The following SMAP2 variants were observed in gnomAD, a reference collection of about 807,000 sequenced individuals.
The protein encoded by SMAP2 is small ArfGAP2.
A neutral mutation model predicts 56.4 loss-of-function variants in SMAP2; 25 were observed. That is an observed-to-expected ratio of 0.44 (90% CI 0.32 to 0.62). The LOEUF is 0.62. Ranked by LOEUF, SMAP2 falls within the 20% of genes least tolerant of loss-of-function variation. SMAP2 has a pLI of 0.04. For synonymous variants in SMAP2, 157 were observed against 181.7 expected (o/e 0.86, Z 1.09); for missense variants, 388 against 545.6 (o/e 0.71, Z 2.88).
At chr1:40,388,343 T>G (rs1314708121) in intron 1 of SMAP2, among the ~76,000 whole-genome samples, 1 of 152,224 alleles carries the variant, frequency 6.6e-6, no homozygotes, top group Non-Finnish European at 1.5e-5. Context: ...GGAGAACCTT[T>G]ATGTCTAGCT....
intron 1 of SMAP2, among the ~76,000 whole-genome samples, chr1:40,349,794 T>C (rs1203951975): frequency 6.6e-6 from 1 of 152,188 alleles, no homozygotes; most frequent in African/African-American, 2.4e-5. Context: ...GCTTGTATTA[T>C]AGGCGTGAGC....
intron 1 of SMAP2, among the ~76,000 whole-genome samples, chr1:40,391,309 A>G (rs776927596): frequency 2.8e-4 from 42 of 152,190 alleles, no homozygotes; most frequent in Non-Finnish European, 5.3e-4. Context: ...TGTATACTAT[A>G]CACAGATGAA....
chr1:40,416,253 C>G lies in SMAP2; in HGVS notation c.759C>G (p.Ser253Arg), dbSNP rs763437755. ...TGAACCTGTTTCCGGAGCCAGGGAG[C>G]AAATCAGAAGAAATAGGCAAGAAAC... Reference protein sequence around the residue: ...ENLNLFPEPGSKSEEIGKKQL... With the variant: ...ENLNLFPEPGRKSEEIGKKQL... The change falls in exon 8 of 10, where the codon AGC becomes AGG. Residue 253 changes from serine (S) to arginine (R), a missense_variant. Transcript: ENST00000372718. The G allele has an allele frequency of 2.9e-5, 47 of 1,613,852 alleles. No individual in the cohort carries two copies. Among genetic ancestry groups the G allele is most frequent in the Non-Finnish European group, 3.9e-5 (46 of 1,179,990 alleles).
chr1:40,379,677 G>C (rs989786836), intron 1 of SMAP2, among the ~76,000 whole-genome samples: 1 of 151,258 alleles, frequency 6.6e-6, no homozygotes, highest in Non-Finnish European at 1.5e-5. Context: ...CTGAGTAGCA[G>C]GGATTACAGG....
At chr1:40,414,043 A>G in intron 5 of SMAP2, 116 bp from the exon 6 acceptor site, 1 of 840,782 alleles carries the variant, frequency 1.2e-6, no homozygotes, top group Non-Finnish European at 1.9e-6. Context: ...TTCTTTGGTA[A>G]CTCTCTTTGA....
chr1:40,347,901 T>A (rs1644395790), intron 1 of SMAP2, among the ~76,000 whole-genome samples: 1 of 152,202 alleles, frequency 6.6e-6, no homozygotes, highest in Non-Finnish European at 1.5e-5. Context: ...ATTCCATGGA[T>A]TTTATGCTTA....
chr1:40,400,023 G>A (rs955846584), intron 1 of SMAP2, among the ~76,000 whole-genome samples: 3 of 152,190 alleles, frequency 2.0e-5, no homozygotes, highest in Admixed American at 2.0e-4. Context: ...TGTTACAGTC[G>A]GGTTTAGACT....
In SMAP2 at chr1:40,374,227, G is replaced by A. The variant is rs199542644; in HGVS notation, c.103+4G>A. 251 of 1,608,360 alleles carry A rather than the reference G, an allele frequency of 1.6e-4. 1 individual carries two copies. The highest frequency in any genetic ancestry group is 1.1e-3 in the Admixed American group (68 of 59,132). ...TGTGCAGATTGCCAGTCTAAAGGTA[G>A]CGCATCCCACCTGGCGGGCCAGGGG... On this transcript the variant is annotated splice_donor_region_variant and intron_variant, in intron 1 of 9. Transcript: ENST00000372718. The surrounding 1 kb of genome is among the most constrained non-coding windows in gnomAD (Gnocchi z 5.9).
intron 1 of SMAP2, among the ~76,000 whole-genome samples, chr1:40,400,335 G>T (rs1353481431): frequency 6.6e-6 from 1 of 152,210 alleles, no homozygotes; most frequent in African/African-American, 2.4e-5. Flanking sequence ...AGTAATAGAA[G>T]AATTTTAAGC....
intron 1 of SMAP2, among the ~76,000 whole-genome samples, chr1:40,361,438 A>G (rs529274337): frequency 2.0e-4 from 31 of 152,276 alleles, no homozygotes; most frequent in Admixed American, 1.1e-3. Context: ...GGCTGCAGGA[A>G]TGGACTCCTT....
intron 1 of SMAP2, among the ~76,000 whole-genome samples, chr1:40,384,314 C>T (rs1644632496): frequency 6.6e-6 from 1 of 152,188 alleles, no homozygotes; most frequent in African/African-American, 2.4e-5. Flanking sequence ...CCCACAACTT[C>T]AGATAAGTTT....
In SMAP2 at chr1:40,408,702, A is replaced by G. The variant is rs771321571; in HGVS notation, c.287A>G (p.Tyr96Cys). Residue 96 changes from tyrosine to cysteine, a missense_variant, in exon 3 of 10, where the codon TAT becomes TGT. By Grantham distance (194) the Tyr-to-Cys change is radical. Coordinates refer to ENST00000372718, the MANE Select transcript of SMAP2 (RefSeq NM_022733.3). This position sits in a 1 kb window ranked among gnomAD's most constrained non-coding sequence, Gnocchi z 4.3. The part of the protein sequence containing the change: ...NGKANRLYEA[Y>C]LPETFRRPQI... ...AAGGCAAACCGACTTTATGAAGCCT[A>G]TCTTCCTGAGACCTTTCGGCGACCT... is the stretch of plus-strand genomic sequence containing the variant. 1 of 1,614,014 alleles carries G rather than the reference A, an allele frequency of 6.2e-7. No individual in the cohort carries two copies. The highest frequency in any genetic ancestry group is 8.5e-7 in the Non-Finnish European group (1 of 1,179,888).
Position 40,385,705 on chromosome 1 carries a change from G to A in SMAP2, c.103+11482G>A, listed in dbSNP as rs1644646797. Among the ~76,000 whole-genome samples the A allele has an allele frequency of 6.6e-6, 1 of 152,200 alleles. No individual in the cohort carries two copies. The highest frequency in any genetic ancestry group is 2.4e-5 in the African/African-American group (1 of 41,442). On this transcript the variant is annotated intron_variant, in intron 1 of 9. Transcript: ENST00000372718. This position sits in a 1 kb window ranked among gnomAD's most constrained non-coding sequence, Gnocchi z 4.5. Reference sequence around the variant, plus strand: ...CATGCTGTCTTTTGCAGCAGTTGCTGGTGACGGAATACCATAAATCCCCAG... The same window carrying A: ...CATGCTGTCTTTTGCAGCAGTTGCTAGTGACGGAATACCATAAATCCCCAG...
intron 1 of SMAP2, among the ~76,000 whole-genome samples, chr1:40,399,006 G>T (rs1413345243): frequency 6.6e-6 from 1 of 152,156 alleles, no homozygotes; most frequent in African/African-American, 2.4e-5. Context: ...AAAGTAAAGG[G>T]TGGCCAGGCA....
At chr1:40,356,015 TC>T (rs1644433858) in intron 1 of SMAP2, among the ~76,000 whole-genome samples, 1 of 152,154 alleles carries the variant, frequency 6.6e-6, no homozygotes. Flanking sequence ...TAACCATTAT[TC>T]TTCTCTCTGT....
rs1297575048 is a variant in SMAP2, at chr1:40,413,183, G to T, written c.489+81G>T. On this transcript the variant is annotated intron_variant, in intron 5 of 9. Coordinates refer to ENST00000372718, the MANE Select transcript of SMAP2 (RefSeq NM_022733.3). ...GAAAGGGAAAGTAGGAGGTCTCGTGGTGAGTACCATTGCACCATCACAGCT... is the reference window on the plus strand; with the variant it reads ...GAAAGGGAAAGTAGGAGGTCTCGTGTTGAGTACCATTGCACCATCACAGCT... The T allele has an allele frequency of 2.9e-6, 3 of 1,048,378 alleles. No individual in the cohort carries two copies. In the East Asian group the frequency reaches 7.2e-5, roughly 25 times the overall value. 64.9% of individuals were successfully genotyped at this position (1,048,378 alleles called of 1,614,324 possible).
intron 1 of SMAP2, among the ~76,000 whole-genome samples, chr1:40,406,198 G>A (rs564972142): frequency 5.3e-5 from 8 of 152,172 alleles, no homozygotes; most frequent in South Asian, 4.1e-4. Flanking sequence ...TAAGGTGCTC[G>A]GCCAAATAGA....
intron 1 of SMAP2, among the ~76,000 whole-genome samples, chr1:40,347,848 A>G (rs577632268): frequency 6.6e-6 from 1 of 152,234 alleles, no homozygotes; most frequent in African/African-American, 2.4e-5. Flanking sequence ...AAAAACATAC[A>G]TTAAATGTGT....
rs1458763072 is a variant in SMAP2, at chr1:40,386,038, T to TG, written c.103+11816dup. The stretch of plus-strand genomic sequence containing the variant: ...ACATCATATGCTGTAGTGTAAAGCT[T>TG]GTAGAGAAGGGGGCATTGGTGTCTT... On this transcript the variant is annotated intron_variant, in intron 1 of 9. Transcript: ENST00000372718. This position sits in a 1 kb window ranked among gnomAD's most constrained non-coding sequence, Gnocchi z 4.1. 8.5e-5 allele frequency among the ~76,000 whole-genome samples: 13 copies of TG among 152,224 alleles called. No individual in the cohort carries two copies. Among genetic ancestry groups the TG allele is most frequent in the African/African-American group, 3.1e-4 (13 of 41,450 alleles).
Sources: gnomAD v4.1 joint callset for allele counts (sites outside exome capture counted in the v4.1 genomes callset) on GRCh38, gnomAD v4.1.1 for gene constraint, Gnocchi (gnomAD v3.1) non-coding constraint, MANE v1.5 for transcripts, NCBI Gene and HGNC (gene_info 2026-07-23, HGNC 2026-07-21) for gene names.